Variants in PKNOX1 observed in about 807,000 individuals in gnomAD.
PKNOX1 encodes PBX/knotted 1 homeobox 1.
In PKNOX1, 15 loss-of-function variants were observed where a neutral mutation model predicts 51.9. That is an observed-to-expected ratio of 0.29 (90% CI 0.19 to 0.45). PKNOX1 has a LOEUF of 0.45. PKNOX1 is among the 20% of genes least tolerant of loss of function. PKNOX1 has a pLI of 1.00. For synonymous variants in PKNOX1, 219 were observed against 211.1 expected (o/e 1.04, Z -0.32); for missense variants, 462 against 547.5 (o/e 0.84, Z 1.56).
At chr21:42,999,794 A>G (rs1978666537) in intron 1 of PKNOX1, among the ~76,000 whole-genome samples, 1 of 152,082 alleles carries the variant, frequency 6.6e-6, no homozygotes, top group Non-Finnish European at 1.5e-5. Context: ...TTTCTTTTCT[A>G]TCACATTGTC....
Position 43,032,349 on chromosome 21 carries a change from T to C in PKNOX1, c.*2248T>C, listed in dbSNP as rs577698383. The C allele has an allele frequency of 2.9e-3, 684 of 232,818 alleles. 17 individuals carry two copies. The highest frequency in any genetic ancestry group is 0.021 in the South Asian group (670 of 31,918). The allele number at this position is 232,818 out of a possible 1,614,324, so 14.4% of individuals were successfully genotyped here. A position where few individuals can be genotyped will look rare whatever the true frequency, so the allele number is the denominator to read the frequency against. On this transcript the variant is annotated 3_prime_UTR_variant, in exon 11 of 11. Transcript: ENST00000291547. Reference sequence around the variant, plus strand: ...ACCCTCCGTCTCTTCGGCTGCTTGCTCTTTAGTGTAGATTAGTGGAAGCCA... The same window carrying C: ...ACCCTCCGTCTCTTCGGCTGCTTGCCCTTTAGTGTAGATTAGTGGAAGCCA...
intron 9 of PKNOX1, among the ~76,000 whole-genome samples, chr21:43,028,223 G>C (rs1390525092): frequency 6.6e-6 from 1 of 152,210 alleles, no homozygotes; most frequent in African/African-American, 2.4e-5. Context: ...ATTCTCTGAT[G>C]GCTCAGACAC....
intron 1 of PKNOX1, among the ~76,000 whole-genome samples, chr21:42,976,215 C>G (rs967955860): frequency 2.0e-5 from 3 of 151,788 alleles, no homozygotes; most frequent in African/African-American, 7.2e-5. Context: ...TTACAGTATA[C>G]TACTTAAAGT....
intron 1 of PKNOX1, among the ~76,000 whole-genome samples, chr21:42,978,079 C>G (rs1439721051): frequency 3.9e-5 from 6 of 152,096 alleles, no homozygotes; most frequent in Non-Finnish European, 8.8e-5. Flanking sequence ...GATCATGGCT[C>G]ACTGCAACCT....
intron 1 of PKNOX1, among the ~76,000 whole-genome samples, chr21:42,992,442 C>A (rs183988529): frequency 6.6e-6 from 1 of 152,148 alleles, no homozygotes; most frequent in African/African-American, 2.4e-5. Flanking sequence ...GTGAACCCCC[C>A]GGTCACACTG....
Position 43,029,975 on chromosome 21 carries a change from G to A in PKNOX1, c.1185G>A (p.Val395=), listed in dbSNP as rs747241819. ...SLSSDGATLA[V]QQVMMAGQSE... ...CCTCGGACGGGGCCACCCTGGCGGT[G>A]CAGCAGGTCATGATGGCAGGGCAGA... Residue 395 remains valine (V), a synonymous_variant, in exon 11 of 11, where the codon GTG becomes GTA. Coordinates refer to ENST00000291547, the MANE Select transcript of PKNOX1 (RefSeq NM_004571.5). The A allele has an allele frequency of 3.1e-6, 5 of 1,614,094 alleles. No individual in the cohort carries two copies. In the South Asian group the frequency reaches 3.3e-5, roughly 11 times the overall value.
At chr21:42,987,399 AAAAAAATATATAT>A (rs1483508741) in intron 1 of PKNOX1, among the ~76,000 whole-genome samples, 50 of 114,112 alleles carry the variant, frequency 4.4e-4, no homozygotes, top group African/African-American at 1.2e-3. Flanking sequence ...AAAAAAAAAA[AAAAAAATATATAT>A]ATATATATAT....
chr21:43,029,024 A>G, intron 10 of PKNOX1, 150 bp downstream of exon 10: 1 of 753,056 alleles, frequency 1.3e-6, no homozygotes, highest in Non-Finnish European at 2.3e-6. Context: ...AAACATGAGG[A>G]AGCTGCATTC....
chr21:43,010,162 G>C lies in PKNOX1; in HGVS notation c.289G>C (p.Val97Leu). The change falls in exon 4 of 11, where the codon GTA (valine) becomes CTA (leucine). Residue 97 changes from valine to leucine, a missense_variant. Transcript: ENST00000291547. ...TTTTGATGTAGACATCGAAAATTTT[G>C]TAAGAAAGCAAGAGAAGGAAGGGAA... ...ASFDVDIENF[V>L]RKQEKEGKPF... is the part of the protein sequence containing the mutation. 6.2e-7 allele frequency: 1 copy of C among 1,605,940 alleles called. No individual in the cohort carries two copies. The highest frequency in any genetic ancestry group is 1.1e-5 in the South Asian group (1 of 89,684).
intron 1 of PKNOX1, among the ~76,000 whole-genome samples, chr21:42,980,518 G>A (rs1353911824): frequency 6.6e-6 from 1 of 152,196 alleles, no homozygotes; most frequent in African/African-American, 2.4e-5. Context: ...GCCTGAAACT[G>A]CTAAAGTGAT....
chr21:42,993,508 C>G (rs1451454810), intron 1 of PKNOX1, among the ~76,000 whole-genome samples: 1 of 151,572 alleles, frequency 6.6e-6, no homozygotes, highest in Non-Finnish European at 1.5e-5. Context: ...GTAAAAACAT[C>G]ACAATTCTAA....
rs558511341 is a variant in PKNOX1, at chr21:43,021,081, C to T, written c.721-222C>T. Reference sequence around the variant, plus strand: ...CCGTGACTGCACCACTGCACTCCAGCCTGAGTGACAGAGCAAGATCCTGTC... The same window carrying T: ...CCGTGACTGCACCACTGCACTCCAGTCTGAGTGACAGAGCAAGATCCTGTC... On this transcript the variant is annotated intron_variant, in intron 7 of 10. Transcript: ENST00000291547. The surrounding 1 kb of genome is among the most constrained non-coding windows in gnomAD (Gnocchi z 4.6). The T allele has an allele frequency of 4.3e-4, 143 of 331,278 alleles. No homozygotes were observed. The highest frequency in any genetic ancestry group is 2.9e-3 in the Admixed American group (63 of 21,756). The allele number at this position is 331,278 out of a possible 1,614,324, so 20.5% of individuals were successfully genotyped here. A position where few individuals can be genotyped will look rare whatever the true frequency, so the allele number is the denominator to read the frequency against.
At chr21:43,018,663 C>T (rs1158921022) in intron 7 of PKNOX1, among the ~76,000 whole-genome samples, 1 of 152,068 alleles carries the variant, frequency 6.6e-6, no homozygotes, top group African/African-American at 2.4e-5. Flanking sequence ...GCCTGGCCCA[C>T]ACCTCCATCA....
chr21:42,996,953 T>C (rs1295890253), intron 1 of PKNOX1, among the ~76,000 whole-genome samples: 2 of 151,972 alleles, frequency 1.3e-5, no homozygotes, highest in African/African-American at 2.4e-5. Context: ...CGATCTCGGC[T>C]CACTGCAACC....
At chr21:43,009,963 G>A (rs1476176653) in intron 3 of PKNOX1, 90 bp from the exon 4 acceptor site, 2 of 701,106 alleles carry the variant, frequency 2.9e-6, no homozygotes, top group African/African-American at 3.6e-5. Flanking sequence ...CCCAACAGAG[G>A]TGTTAGTGAA....
At chr21:42,979,077 GT>G (rs1249979829) in intron 1 of PKNOX1, among the ~76,000 whole-genome samples, 2 of 152,188 alleles carry the variant, frequency 1.3e-5, no homozygotes, top group Non-Finnish European at 2.9e-5. Context: ...TTTTGAAAAA[GT>G]TTTGTAGAAG....
chr21:43,004,524 T>C, intron 2 of PKNOX1, 92 bp downstream of exon 2: 1 of 842,676 alleles, frequency 1.2e-6, no homozygotes, highest in Non-Finnish European at 2.1e-6. Context: ...TCAATTGCCA[T>C]GAGGTTGCAT....
intron 2 of PKNOX1, among the ~76,000 whole-genome samples, chr21:43,006,117 A>G (rs997661551): frequency 1.3e-5 from 2 of 149,846 alleles, no homozygotes; most frequent in African/African-American, 4.9e-5. Flanking sequence ...TTTATTATTT[A>G]TTTATTTACT....
rs116175774 is a variant in PKNOX1, at chr21:42,995,799, A to G, written c.-56-8527A>G. Among the ~76,000 whole-genome samples the G allele has an allele frequency of 4.1e-3, 622 of 152,338 alleles. 4 individuals are homozygous for G. The highest frequency in any genetic ancestry group is 0.014 in the African/African-American group (589 of 41,582). On this transcript the variant is annotated intron_variant, in intron 1 of 10. Transcript: ENST00000291547. The stretch of plus-strand genomic sequence containing the variant: ...CGATGATTCCTGTCTGAAACGGCTT[A>G]CTGTGGTGGTTGCCGAATGGTGATG...
Sources: gnomAD v4.1 joint callset for allele counts (sites outside exome capture counted in the v4.1 genomes callset) on GRCh38, gnomAD v4.1.1 for gene constraint, Gnocchi (gnomAD v3.1) non-coding constraint, MANE v1.5 for transcripts, NCBI Gene and HGNC (gene_info 2026-07-23, HGNC 2026-07-21) for gene names.